The following LMBR1 variants were observed in gnomAD, a reference collection of about 807,000 sequenced individuals.
LMBR1 encodes limb region 1 protein homolog.
A neutral mutation model predicts 73.9 loss-of-function variants in LMBR1; 52 were observed. The observed-to-expected ratio is 0.70, with a 90% CI of 0.56 to 0.89. The LOEUF is 0.89. LMBR1 is among the 40% of genes least tolerant of loss of function. The probability of loss-of-function intolerance (pLI) is 0.00; values close to 1 mark genes in which losing one functional copy is unlikely to be tolerated. For synonymous variants in LMBR1, 215 were observed against 209.4 expected, an observed-to-expected ratio of 1.03 and a Z score of -0.23; for missense variants, 539 against 579.8, an observed-to-expected ratio of 0.93 and a Z score of 0.72.
At chr7:156,725,085 A>G (rs2132382397) in intron 14 of LMBR1, among the ~76,000 whole-genome samples, 1 of 152,314 alleles carries the variant, frequency 6.6e-6, no homozygotes, top group African/African-American at 2.4e-5. Flanking sequence ...TGTAGCAACT[A>G]AGTTCTTCAG....
Position 156,683,523 on chromosome 7 carries a change from G to A in LMBR1, c.*555C>T, listed in dbSNP as rs1203590439. The A allele has an allele frequency of 6.6e-6, 1 of 152,404 alleles. No homozygotes were observed. Among genetic ancestry groups the A allele is most frequent in the African/African-American group, 2.4e-5 (1 of 41,384 alleles). The allele number at this position is 152,404 out of a possible 1,614,324, so 9.4% of individuals were successfully genotyped here. On this transcript the variant is annotated 3_prime_UTR_variant, in exon 17 of 17. Coordinates refer to ENST00000353442, the MANE Select transcript of LMBR1 (RefSeq NM_022458.4). The stretch of plus-strand genomic sequence containing the variant: ...TTCTATAACATAAATCAGAAACTAC[G>A]CTTTTTGCTTTTAAGGAAATAAGAA...
chr7:156,892,831 C>T (rs1274819138), intron 1 of LMBR1, 97 bp downstream of exon 1: 14 of 731,972 alleles, frequency 1.9e-5, no homozygotes, highest in Non-Finnish European at 2.5e-5. Context: ...AGGCGAGGCC[C>T]GGAGGTGAGG....
At position 156,684,040 on chromosome 7, in the gene LMBR1, T is replaced by C. The variant is rs111582579; in HGVS notation, c.*38A>G. 22 of 1,510,078 alleles carry C rather than the reference T, an allele frequency of 1.5e-5. No individual in the cohort carries two copies. The highest frequency in any genetic ancestry group is 3.4e-4 in the Middle Eastern group (2 of 5,846). 93.5% of individuals were successfully genotyped at this position (1,510,078 alleles called of 1,614,324 possible). ...CAGGAATGTCGTGAATCTGGAGTTC[T>C]CGGGTCTCTTGGTGGCAGAAGACGC... On this transcript the variant is annotated 3_prime_UTR_variant, in exon 17 of 17. Transcript: ENST00000353442.
intron 15 of LMBR1, among the ~76,000 whole-genome samples, chr7:156,720,483 T>C (rs1415030882): frequency 1.3e-5 from 2 of 152,062 alleles, no homozygotes; most frequent in African/African-American, 4.8e-5. Flanking sequence ...GAATATGAGT[T>C]TTTATGGTGG....
At chr7:156,886,698 T>C (rs1801963227) in intron 1 of LMBR1, among the ~76,000 whole-genome samples, 1 of 152,224 alleles carries the variant, frequency 6.6e-6, no homozygotes, top group Non-Finnish European at 1.5e-5. Context: ...AGTGCTTGTT[T>C]AGCCGCTAGA....
At chr7:156,718,704 T>G (rs1332728154) in intron 15 of LMBR1, among the ~76,000 whole-genome samples, 1 of 152,184 alleles carries the variant, frequency 6.6e-6, no homozygotes, top group Non-Finnish European at 1.5e-5. Context: ...GCCACTGCAC[T>G]CCAGCTTGGG....
chr7:156,675,685 CT>C, downstream of LMBR1: 1 of 1,605,942 alleles, frequency 6.2e-7, no homozygotes, highest in South Asian at 1.1e-5. Context: ...CCGCCCCCGC[CT>C]CCTCCTCAGT....
intron 4 of LMBR1, among the ~76,000 whole-genome samples, chr7:156,824,366 CAA>C (rs1191340636): frequency 1.1e-4 from 16 of 151,988 alleles, no homozygotes. Flanking sequence ...TCTCAAACAA[CAA>C]GAGACAGGAA....
chr7:156,768,664 T>C (rs1462159458), intron 5 of LMBR1, among the ~76,000 whole-genome samples: 1 of 152,118 alleles, frequency 6.6e-6, no homozygotes, highest in Non-Finnish European at 1.5e-5. Flanking sequence ...TCTGCCACTT[T>C]TTCACATGAA....
chr7:156,856,944 G>A (rs1197281967), intron 1 of LMBR1, among the ~76,000 whole-genome samples: 1 of 152,036 alleles, frequency 6.6e-6, no homozygotes, highest in African/African-American at 2.4e-5. Flanking sequence ...AATGTTATGT[G>A]AAAGTGAAGG....
intron 1 of LMBR1, among the ~76,000 whole-genome samples, chr7:156,868,737 G>A (rs979669621): frequency 1.3e-5 from 2 of 152,050 alleles, no homozygotes; most frequent in Admixed American, 6.5e-5. Flanking sequence ...AAGCCAACGT[G>A]GGCAGATAGC....
At position 156,719,302 on chromosome 7, in the gene LMBR1, G is replaced by A. The variant is rs566678352; in HGVS notation, c.1225+4810C>T. Among the ~76,000 whole-genome samples the A allele has an allele frequency of 2.7e-3, 404 of 152,116 alleles. 2 individuals carry two copies. Among genetic ancestry groups the A allele is most frequent in the African/African-American group, 9.3e-3 (387 of 41,486 alleles). On this transcript the variant is annotated intron_variant, in intron 15 of 16. Transcript: ENST00000353442. ...CAATTTCATCCATGTCCCTACAAAG[G>A]ACATGAACTCATCATTTCTTATGGC...
intron 4 of LMBR1, among the ~76,000 whole-genome samples, chr7:156,808,256 T>G (rs549001779): frequency 6.6e-6 from 1 of 152,178 alleles, no homozygotes; most frequent in Non-Finnish European, 1.5e-5. Flanking sequence ...CGTTTTTGCT[T>G]CATGTACTTA....
intron 7 of LMBR1, 36 bp downstream of exon 7, chr7:156,763,072 A>T: frequency 9.5e-7 from 1 of 1,055,280 alleles, no homozygotes; most frequent in Non-Finnish European, 1.4e-6. Context: ...GGACAACTCT[A>T]CTTTTCTCTT....
Position 156,678,886 on chromosome 7 carries a change from T to A in LMBR1, c.*5192A>T, listed in dbSNP as rs1290241293. ...GGCGGGGGGAATCATTAAATCACTA[T>A]CAAGTCCAGAAAGAGAATTCTTAGC... is the stretch of plus-strand genomic sequence containing the variant. On this transcript the variant is annotated 3_prime_UTR_variant, in exon 17 of 17. Transcript: ENST00000353442. The A allele has an allele frequency of 1.3e-5, 2 of 152,154 alleles. No individual in the cohort carries two copies. The highest frequency in any genetic ancestry group is 6.5e-5 in the Admixed American group (1 of 15,276). 9.4% of individuals were successfully genotyped at this position (152,154 alleles called of 1,614,324 possible).
At chr7:156,764,576 A>G (rs867783766) in intron 5 of LMBR1, among the ~76,000 whole-genome samples, 1 of 152,212 alleles carries the variant, frequency 6.6e-6, no homozygotes, top group South Asian at 2.1e-4. Flanking sequence ...CATCATATTG[A>G]TATTTTGTAC....
chr7:156,834,558 G>C, intron 2 of LMBR1: 1 of 304,256 alleles, frequency 3.3e-6, no homozygotes, highest in Non-Finnish European at 6.8e-6. Context: ...AGCCATGATT[G>C]CCCCACTGCT....
chr7:156,720,089 G>A (rs1814194188), intron 15 of LMBR1, among the ~76,000 whole-genome samples: 1 of 151,600 alleles, frequency 6.6e-6, no homozygotes, highest in Non-Finnish European at 1.5e-5. Context: ...GGCAACAAAA[G>A]CCAAAATTGA....
chr7:156,677,528 G>A (rs879391862), downstream of LMBR1, among the ~76,000 whole-genome samples: 2 of 152,130 alleles, frequency 1.3e-5, no homozygotes, highest in Non-Finnish European at 2.9e-5. Context: ...TGGGAGTGGC[G>A]CTCATCACTC....
Sources: allele counts gnomAD v4.1 joint callset (sites outside exome capture counted in the v4.1 genomes callset), GRCh38; gene constraint gnomAD v4.1.1; transcripts MANE v1.5; gene names NCBI Gene and HGNC (gene_info 2026-07-23, HGNC 2026-07-21).